RBMS3: variants seen among roughly 807,000 people sequenced by gnomAD.
RBMS3 encodes RNA-binding motif, single-stranded-interacting protein 3.
A neutral mutation model predicts 66.8 loss-of-function variants in RBMS3; 27 were observed. The observed-to-expected ratio is 0.40, with a 90% CI of 0.30 to 0.56. The LOEUF (loss-of-function observed/expected upper bound fraction) is 0.56. RBMS3 is among the 20% of genes least tolerant of loss of function. The pLI is 0.40. For synonymous variants in RBMS3, 188 were observed against 183.0 expected (o/e 1.03, Z -0.22); for missense variants, 513 against 549.5 (o/e 0.93, Z 0.66).
chr3:29,913,648 C>A (rs1019582146), intron 10 of RBMS3, among the ~76,000 whole-genome samples: 1 of 151,908 alleles, frequency 6.6e-6, no homozygotes, highest in African/African-American at 2.4e-5. Flanking sequence ...AACTTGGGTT[C>A]TGAATAATAA....
chr3:29,974,044 C>T (rs1697396346), intron 12 of RBMS3, among the ~76,000 whole-genome samples: 1 of 151,928 alleles, frequency 6.6e-6, no homozygotes, highest in African/African-American at 2.4e-5. Context: ...ACTTGTATTC[C>T]ATTCTCAGAC....
intron 3 of RBMS3, among the ~76,000 whole-genome samples, chr3:29,551,866 G>T (rs964399342): frequency 6.6e-6 from 1 of 152,130 alleles, no homozygotes; most frequent in African/African-American, 2.4e-5. Context: ...CAGGCCCTTT[G>T]CTCCTGGAAA....
intron 1 of RBMS3, among the ~76,000 whole-genome samples, chr3:29,393,915 A>T (rs1157013612): frequency 6.6e-6 from 1 of 152,212 alleles, no homozygotes; most frequent in Non-Finnish European, 1.5e-5. Context: ...GCAGAGATGC[A>T]GAGCAAGATC....
chr3:29,683,359 G>C (rs978281531), intron 4 of RBMS3, among the ~76,000 whole-genome samples: 3 of 152,214 alleles, frequency 2.0e-5, no homozygotes, highest in African/African-American at 7.2e-5. Flanking sequence ...GCCGAGAATA[G>C]AGTGTGAGTT....
At position 30,005,214 on chromosome 3, in the gene RBMS3, G is replaced by A. The variant is rs944530183; in HGVS notation, c.*1352G>A. On this transcript the variant is annotated 3_prime_UTR_variant, in exon 15 of 15. Transcript: ENST00000383767. ...CATAGTGCAAAAAAAAAAAGAGGGT[G>A]GGGGGAGTTGTCTCTCTTTTCTTTA... 6.6e-6 allele frequency: 1 copy of A among 151,524 alleles called. No homozygotes were observed. The highest frequency in any genetic ancestry group is 1.5e-5 in the Non-Finnish European group (1 of 67,700). 9.4% of individuals were successfully genotyped at this position (151,524 alleles called of 1,614,324 possible). A position where few individuals can be genotyped will look rare whatever the true frequency, so the allele number is the denominator to read the frequency against.
At chr3:29,622,255 A>C (rs1446961284) in intron 4 of RBMS3, among the ~76,000 whole-genome samples, 1 of 152,210 alleles carries the variant, frequency 6.6e-6, no homozygotes, top group Non-Finnish European at 1.5e-5. Flanking sequence ...ACAGAGCCTG[A>C]AAAAATATCC....
chr3:29,660,480 C>T (rs1014275760), intron 4 of RBMS3, among the ~76,000 whole-genome samples: 1 of 152,174 alleles, frequency 6.6e-6, no homozygotes. Context: ...TCAATCCATT[C>T]CACCAATCTA....
At position 29,991,187 on chromosome 3, in the gene RBMS3, G is replaced by A. The variant is rs1046599044; in HGVS notation, c.1285G>A (p.Ala429Thr). ...GGACACATCCAACGAACATGCACCT[G>A]CATATTCTTACCAACAGTCTAAGTA... ...AVDTSNEHAP[A>T]YSYQQSKP The change falls in exon 14 of 15, where the codon GCA (alanine) becomes ACA (threonine). Residue 429 changes from alanine (A) to threonine (T), a missense_variant. Ala to Thr is a moderately conservative substitution (Grantham distance 58). Coordinates refer to ENST00000383767, the MANE Select transcript of RBMS3 (RefSeq NM_001003793.3). 6.2e-7 allele frequency: 1 copy of A among 1,614,092 alleles called. No homozygotes were observed. Among genetic ancestry groups the A allele is most frequent in the African/African-American group, 1.3e-5 (1 of 75,002 alleles).
At chr3:29,860,936 T>C (rs1193580536) in intron 6 of RBMS3, among the ~76,000 whole-genome samples, 2 of 152,156 alleles carry the variant, frequency 1.3e-5, no homozygotes, top group Non-Finnish European at 2.9e-5. Context: ...GTGAGCTCTC[T>C]TGCAGTGAGC....
intron 4 of RBMS3, among the ~76,000 whole-genome samples, chr3:29,683,081 T>G (rs1209339183): frequency 6.6e-6 from 1 of 152,156 alleles, no homozygotes; most frequent in African/African-American, 2.4e-5. Flanking sequence ...GGCAGAATGG[T>G]GGGGTGAAAA....
chr3:29,689,178 AT>A (rs1051010243), intron 4 of RBMS3, among the ~76,000 whole-genome samples: 12 of 151,962 alleles, frequency 7.9e-5, no homozygotes, highest in Non-Finnish European at 1.3e-4. Context: ...CATCAAAGTA[AT>A]TTTTTTAAAG....
chr3:29,871,449 TC>T (rs1186972164), intron 7 of RBMS3, among the ~76,000 whole-genome samples: 3 of 152,092 alleles, frequency 2.0e-5, no homozygotes, highest in African/African-American at 7.2e-5. Context: ...CAAGTAACTT[TC>T]TTTGGTGTCT....
intron 4 of RBMS3, among the ~76,000 whole-genome samples, chr3:29,588,557 G>A (rs1420158679): frequency 1.3e-5 from 2 of 151,930 alleles, no homozygotes; most frequent in Non-Finnish European, 2.9e-5. Flanking sequence ...ACCTTTTGTT[G>A]CAAGTCACTT....
At chr3:29,644,584 C>T (rs2049846731) in intron 4 of RBMS3, among the ~76,000 whole-genome samples, 1 of 152,270 alleles carries the variant, frequency 6.6e-6, no homozygotes, top group East Asian at 1.9e-4. Context: ...AGGTTTAGAT[C>T]TCACAAATGC....
At chr3:29,829,004 TTCTTTCTTTCTTTC>T (rs1559714827) in intron 6 of RBMS3, among the ~76,000 whole-genome samples, 1 of 45,122 alleles carries the variant, frequency 2.2e-5, no homozygotes, top group African/African-American at 9.5e-5. Flanking sequence ...CTTTCTTTCT[TTCTTTCTTTCTTTC>T]TTTCTTTCTT....
chr3:29,930,663 A>G (rs1489499165), intron 10 of RBMS3, among the ~76,000 whole-genome samples: 1 of 152,066 alleles, frequency 6.6e-6, no homozygotes, highest in Non-Finnish European at 1.5e-5. Flanking sequence ...GTTACCAGAC[A>G]TTGCAAAATC....
chr3:29,322,259 C>T (rs1346682996), intron 1 of RBMS3, among the ~76,000 whole-genome samples: 2 of 151,938 alleles, frequency 1.3e-5, no homozygotes, highest in African/African-American at 4.8e-5. Flanking sequence ...GGAGGAACTA[C>T]GGATACGAGA....
chr3:29,517,327 T>TG (rs1412964275), intron 3 of RBMS3, among the ~76,000 whole-genome samples: 28 of 118,980 alleles, frequency 2.4e-4, no homozygotes, highest in African/African-American at 1.0e-3. Flanking sequence ...ATATTTTTTT[T>TG]TTGTTTTTTT....
chr3:29,884,472 C>CTCTCTCTCTCTCTT (rs1258281965), intron 8 of RBMS3, among the ~76,000 whole-genome samples: 1 of 75,682 alleles, frequency 1.3e-5, no homozygotes, highest in East Asian at 2.6e-4. Flanking sequence ...CTCTCTCTCC[C>CTCTCTCTCTCTCTT]CCCCCGCTCC....
Sources: gnomAD v4.1 joint callset for allele counts (sites outside exome capture counted in the v4.1 genomes callset) on GRCh38, gnomAD v4.1.1 for gene constraint, MANE v1.5 for transcripts, NCBI Gene and HGNC (gene_info 2026-07-23, HGNC 2026-07-21) for gene names.